DMXL2: variants seen among roughly 807,000 people sequenced by gnomAD.
The protein encoded by DMXL2 is dmX-like protein 2.
DMXL2 carries 103 observed loss-of-function variants against 331.1 expected under a neutral mutation model. The ratio of observed to expected loss-of-function variants is 0.31; its 90% CI spans 0.27 to 0.37. The LOEUF is 0.37. Among genes scored for constraint, DMXL2 ranks in the 10% least tolerant of loss-of-function variants. The probability of loss-of-function intolerance (pLI) is 1.00; values close to 1 mark genes in which losing one functional copy is unlikely to be tolerated. For synonymous variants in DMXL2, 1,281 were observed against 1,252.1 expected, an observed-to-expected ratio of 1.02 and a Z score of -0.49; for missense variants, 3,171 against 3,642.9, an observed-to-expected ratio of 0.87 and a Z score of 3.33.
intron 19 of DMXL2, among the ~76,000 whole-genome samples, chr15:51,493,061 A>G (rs1393126931): frequency 1.3e-5 from 2 of 152,202 alleles, no homozygotes; most frequent in Non-Finnish European, 2.9e-5. Context: ...TCATACCACA[A>G]AATTAATGCA....
rs533606779 is a variant in DMXL2, at chr15:51,471,942, C to G, written c.7214-541G>C. Among the ~76,000 whole-genome samples, 8 of 152,180 alleles carry G rather than the reference C, an allele frequency of 5.3e-5. No individual in the cohort carries two copies. The South Asian group carries it at 1.2e-3, about 24-fold the overall frequency. ...GTTAGGACAAGTCTGTGGCTATGAA[C>G]CTGGGAACTTATGTTTTGGGCAATT... On this transcript the variant is annotated intron_variant, in intron 28 of 43. Coordinates refer to ENST00000560891, the MANE Select transcript of DMXL2 (RefSeq NM_001378457.1).
At chr15:51,530,581 C>T (rs752593401) in intron 13 of DMXL2, among the ~76,000 whole-genome samples, 1 of 147,814 alleles carries the variant, frequency 6.8e-6, no homozygotes, top group African/African-American at 2.6e-5. Context: ...GAAACCCCAT[C>T]TCTACTAAAA....
At position 51,612,433 on chromosome 15, in the gene DMXL2, C is replaced by T. The variant is rs569553490; in HGVS notation, c.87+10026G>A. ...TTTCATATAGGTTATTTTCTATTTT[C>T]CCTAAGTGTCGGCCAGTCTGGGAAA... On this transcript the variant is annotated intron_variant, in intron 1 of 43. Coordinates refer to ENST00000560891, the MANE Select transcript of DMXL2 (RefSeq NM_001378457.1). Among the ~76,000 whole-genome samples, 36 of 152,214 alleles carry T rather than the reference C, an allele frequency of 2.4e-4. 1 individual carries two copies. In the South Asian group the frequency reaches 6.2e-3, roughly 26 times the overall value.
intron 1 of DMXL2, among the ~76,000 whole-genome samples, chr15:51,605,040 T>TAAA (rs527285284): frequency 0.014 from 1,553 of 113,034 alleles, 15 homozygotes; most frequent in Non-Finnish European, 0.024. Flanking sequence ...TGTTCATATA[T>TAAA]CAAAAAAAAA....
intron 1 of DMXL2, among the ~76,000 whole-genome samples, chr15:51,579,037 C>A (rs1268488623): frequency 6.6e-6 from 1 of 152,142 alleles, no homozygotes; most frequent in Non-Finnish European, 1.5e-5. Context: ...CCCGGGAAGT[C>A]AAGGCTGAAG....
At chr15:51,462,582 C>T (rs994003021) in intron 33 of DMXL2, among the ~76,000 whole-genome samples, 4 of 152,142 alleles carry the variant, frequency 2.6e-5, no homozygotes, top group Non-Finnish European at 5.9e-5. Context: ...GGTGATCTGC[C>T]CGCCTCGGCC....
Position 51,466,210 on chromosome 15 carries a change from C to A in DMXL2, c.7494G>T (p.Gln2498His). 6.4e-7 allele frequency: 1 copy of A among 1,570,448 alleles called. No individual in the cohort carries two copies. The highest frequency in any genetic ancestry group is 8.6e-7 in the Non-Finnish European group (1 of 1,165,682). ...TATAGGAATTTGGATCTTGGTGCTC[C>A]TGTATTTGTGTATCTGAAAAAAAGG... is the stretch of plus-strand genomic sequence containing the variant. ...DDAFFSDTQIQEHQDPNSYSW... is the reference protein window; with the variant it reads ...DDAFFSDTQIHEHQDPNSYSW... Residue 2498 changes from glutamine (Q) to histidine (H), a missense_variant, in exon 30 of 44, where the codon CAG becomes CAT. This residue lies in a region of DMXL2 where 766 missense variants were observed against 940.5 expected (regional missense o/e 0.81). Coordinates refer to ENST00000560891, the MANE Select transcript of DMXL2 (RefSeq NM_001378457.1).
At chr15:51,465,321 C>G (rs375156661) in intron 31 of DMXL2, among the ~76,000 whole-genome samples, 63 of 152,184 alleles carry the variant, frequency 4.1e-4, no homozygotes, top group Admixed American at 7.2e-4. Context: ...CTTGAGCCTA[C>G]GAGGCGGAGT....
At chr15:51,617,112 C>T (rs192212794) in intron 1 of DMXL2, among the ~76,000 whole-genome samples, 36 of 152,208 alleles carry the variant, frequency 2.4e-4, no homozygotes, top group African/African-American at 8.7e-4. Flanking sequence ...CACCCAACAT[C>T]CTGTGCTCTT....
At chr15:51,452,949 G>GAGTT (rs1282630760) in intron 41 of DMXL2, among the ~76,000 whole-genome samples, 1 of 152,190 alleles carries the variant, frequency 6.6e-6, no homozygotes, top group East Asian at 1.9e-4. Flanking sequence ...AACCCAGATG[G>GAGTT]AGTTAGAGGC....
At chr15:51,622,373 G>A (rs1330281324) in intron 1 of DMXL2, 86 bp downstream of exon 1, 1 of 1,514,556 alleles carries the variant, frequency 6.6e-7, no homozygotes, top group African/African-American at 1.4e-5. Flanking sequence ...ACAGCCTCCT[G>A]AGGAGGCGTG....
intron 13 of DMXL2, among the ~76,000 whole-genome samples, chr15:51,526,857 GAATA>G (rs1263907678): frequency 1.3e-5 from 2 of 152,070 alleles, no homozygotes; most frequent in African/African-American, 4.8e-5. Flanking sequence ...AAAGAAAAAT[GAATA>G]AAAAACAACG....
At chr15:51,530,761 A>T (rs914190396) in intron 13 of DMXL2, among the ~76,000 whole-genome samples, 6 of 152,260 alleles carry the variant, frequency 3.9e-5, no homozygotes, top group African/African-American at 1.4e-4. Flanking sequence ...AAAAACAAAC[A>T]AGCAAACAAA....
At chr15:51,620,854 A>C (rs2141473634) in intron 1 of DMXL2, among the ~76,000 whole-genome samples, 1 of 152,302 alleles carries the variant, frequency 6.6e-6, no homozygotes, top group African/African-American at 2.4e-5. Flanking sequence ...CAGCACTAAC[A>C]GTTCTTACAC....
rs75829002 is a variant in DMXL2 at position 51,530,824 on chromosome 15, T to C, written c.2436+4839A>G. ...ATAATATTAAGAACCTAGGAATTCA[T>C]GAAAGAAGTGAAAGATCTCTATAAT... On this transcript the variant is annotated intron_variant, in intron 13 of 43. Transcript: ENST00000560891. 2.6e-3 allele frequency among the ~76,000 whole-genome samples: 391 copies of C among 152,058 alleles called. 18 individuals carry two copies. The East Asian group carries it at 0.062, about 24-fold the overall frequency.
At chr15:51,478,139 C>T (rs529171298) in intron 26 of DMXL2, 132 bp downstream of exon 26, 7 of 604,784 alleles carry the variant, frequency 1.2e-5, no homozygotes, top group East Asian at 3.0e-5. Flanking sequence ...CTGATTCTCT[C>T]GCATGTATTA....
At chr15:51,604,285 C>T (rs546512332) in intron 1 of DMXL2, among the ~76,000 whole-genome samples, 2 of 110,422 alleles carry the variant, frequency 1.8e-5, no homozygotes, top group South Asian at 2.7e-4. Flanking sequence ...AAAAAAAAAA[C>T]CTAGTACTGC....
chr15:51,556,427 T>G (rs1291966860), intron 6 of DMXL2, among the ~76,000 whole-genome samples: 1 of 150,972 alleles, frequency 6.6e-6, no homozygotes, highest in Admixed American at 6.6e-5. Context: ...TTGGGATTGT[T>G]CCAGGAATAC....
chr15:51,538,785 T>C lies in DMXL2; in HGVS notation c.1106-333A>G, dbSNP rs144322848. Among the ~76,000 whole-genome samples the C allele has an allele frequency of 3.7e-3, 568 of 152,258 alleles. 3 individuals are homozygous for C. The highest frequency in any genetic ancestry group is 0.013 in the African/African-American group (547 of 41,536). ...AGAAGTTTAAATATGAACTGGATAT[T>C]AGATATTATGGAATTACTTATCATT... is the stretch of plus-strand genomic sequence containing the variant. On this transcript the variant is annotated intron_variant, in intron 9 of 43. Transcript: ENST00000560891.
Sources: allele counts gnomAD v4.1 joint callset (sites outside exome capture counted in the v4.1 genomes callset), GRCh38; gene constraint gnomAD v4.1.1; regional missense constraint gnomAD v4.1.1; transcripts MANE v1.5; gene names NCBI Gene and HGNC (gene_info 2026-07-23, HGNC 2026-07-21).